The following SMYD3 variants were observed in gnomAD, a reference collection of about 807,000 sequenced individuals.
The protein encoded by SMYD3 is SET and MYND domain containing 3, also known as histone-lysine N-methyltransferase SMYD3.
In SMYD3, 36 loss-of-function variants were observed where a neutral mutation model predicts 57.7. The ratio of observed to expected loss-of-function variants is 0.62; its 90% CI spans 0.48 to 0.82. SMYD3 has a LOEUF of 0.82. Among genes scored for constraint, SMYD3 ranks in the 40% least tolerant of loss-of-function variants. The pLI, the probability that SMYD3 is intolerant of heterozygous loss-of-function variation, is 0.00. For synonymous variants in SMYD3, 211 were observed against 195.0 expected, an observed-to-expected ratio of 1.08 and a Z score of -0.68; for missense variants, 515 against 538.8, an observed-to-expected ratio of 0.96 and a Z score of 0.44.
chr1:246,480,362 T>C (rs910413305), intron 1 of SMYD3, among the ~76,000 whole-genome samples: 1 of 152,222 alleles, frequency 6.6e-6, no homozygotes, highest in African/African-American at 2.4e-5. Context: ...CTGTCACACG[T>C]ATTTAAAGTA....
intron 5 of SMYD3, among the ~76,000 whole-genome samples, chr1:246,158,852 AC>A (rs1004137855): frequency 2.0e-5 from 3 of 152,226 alleles, no homozygotes; most frequent in Admixed American, 2.0e-4. Flanking sequence ...CACCTGCTTT[AC>A]ATCAGCATAG....
chr1:246,373,149 C>A (rs890585195), intron 1 of SMYD3, among the ~76,000 whole-genome samples: 1 of 151,872 alleles, frequency 6.6e-6, no homozygotes, highest in African/African-American at 2.4e-5. Context: ...TGATTTTTTT[C>A]TTTAAATGAT....
chr1:245,939,896 C>T (rs4390144), intron 5 of SMYD3, among the ~76,000 whole-genome samples: 94,256 of 152,120 alleles, frequency 0.62, 34,940 homozygotes, highest in Non-Finnish European at 0.83. Flanking sequence ...TGTGGGAGGC[C>T]TTCATGTCAT....
At chr1:245,996,071 C>T (rs977302530) in intron 5 of SMYD3, among the ~76,000 whole-genome samples, 1 of 152,210 alleles carries the variant, frequency 6.6e-6, no homozygotes, top group Non-Finnish European at 1.5e-5. Context: ...CACCTAAAAT[C>T]CTCCTGGCAG....
At chr1:245,866,196 G>A (rs1420565526) in intron 8 of SMYD3, among the ~76,000 whole-genome samples, 1 of 152,170 alleles carries the variant, frequency 6.6e-6, no homozygotes, top group Non-Finnish European at 1.5e-5. Flanking sequence ...ACGAACCACA[G>A]AAAACAGATC....
chr1:246,395,786 AGACAGGGAAGAGGAACCCACCACGGCTG>A (rs1310393714), intron 1 of SMYD3, among the ~76,000 whole-genome samples: 12 of 146,760 alleles, frequency 8.2e-5, no homozygotes, highest in Non-Finnish European at 1.4e-4. Flanking sequence ...CACCATGGTC[AGACAGGGAAGAGGAACCCACCACGGCTG>A]GACAGGGAAG....
chr1:246,471,143 A>C (rs1392478249), intron 1 of SMYD3, among the ~76,000 whole-genome samples: 1 of 152,178 alleles, frequency 6.6e-6, no homozygotes, highest in Non-Finnish European at 1.5e-5. Context: ...AATTATTCCA[A>C]AATAAAGCTT....
chr1:246,131,345 G>A (rs1303366896), intron 5 of SMYD3, among the ~76,000 whole-genome samples: 1 of 152,138 alleles, frequency 6.6e-6, no homozygotes, highest in African/African-American at 2.4e-5. Flanking sequence ...CTAAATGAAA[G>A]AATGAATGAA....
chr1:245,919,463 A>G (rs1375834744), intron 7 of SMYD3, among the ~76,000 whole-genome samples: 1 of 152,192 alleles, frequency 6.6e-6, no homozygotes, highest in African/African-American at 2.4e-5. Context: ...GCTTGGCTCA[A>G]ATACACCTCT....
chr1:245,921,551 A>G (rs1271447878), intron 7 of SMYD3, among the ~76,000 whole-genome samples: 2 of 7,520 alleles, frequency 2.7e-4, no homozygotes, highest in African/African-American at 6.0e-4. Context: ...AATGTGGTGT[A>G]TATATATATA....
chr1:245,855,271 A>G (rs908268687), intron 10 of SMYD3, among the ~76,000 whole-genome samples: 1 of 151,980 alleles, frequency 6.6e-6, no homozygotes, highest in Non-Finnish European at 1.5e-5. Flanking sequence ...GACGCACAAA[A>G]ATTTTAAAAC....
chr1:245,864,892 T>G (rs1449062708), intron 8 of SMYD3, among the ~76,000 whole-genome samples: 1 of 152,136 alleles, frequency 6.6e-6, no homozygotes, highest in Non-Finnish European at 1.5e-5. Context: ...GTGACCCAAT[T>G]CTGACTTCCA....
At chr1:246,310,099 G>T (rs1310344239) in intron 5 of SMYD3, among the ~76,000 whole-genome samples, 2 of 152,098 alleles carry the variant, frequency 1.3e-5, no homozygotes, top group Non-Finnish European at 2.9e-5. Context: ...AAAAAAATTT[G>T]CTGTACAATA....
intron 1 of SMYD3, among the ~76,000 whole-genome samples, chr1:246,473,827 G>A (rs1355507364): frequency 1.3e-5 from 2 of 152,208 alleles, no homozygotes; most frequent in Admixed American, 6.5e-5. Context: ...GGGAAAGCCT[G>A]CAGGTGTACT....
At chr1:245,997,186 G>A (rs12094306) in intron 5 of SMYD3, among the ~76,000 whole-genome samples, 78,517 of 152,138 alleles carry the variant, frequency 0.52, 23,736 homozygotes, top group Middle Eastern at 0.69. Context: ...CAAATATGGG[G>A]AACCCCTTTA....
rs184004232 is a variant in SMYD3, at chr1:246,283,687, T to C, written c.531+43514A>G. 1.8e-4 allele frequency among the ~76,000 whole-genome samples: 27 copies of C among 152,314 alleles called. 1 individual carries two copies. The highest frequency in any genetic ancestry group is 4.8e-4 in the African/African-American group (20 of 41,566). ...TTCTGTGAGACCAGAAGAAATATAA[T>C]TGCCACAGCGATAACATCTAAAGCC... On this transcript the variant is annotated intron_variant, in intron 5 of 11. Transcript: ENST00000490107.
chr1:246,415,367 T>A (rs1242141701), intron 1 of SMYD3, among the ~76,000 whole-genome samples: 1 of 152,164 alleles, frequency 6.6e-6, no homozygotes. Context: ...TAATAATAGA[T>A]AAAATGTATA....
intron 1 of SMYD3, among the ~76,000 whole-genome samples, chr1:246,485,498 C>T (rs912620145): frequency 6.6e-6 from 1 of 152,168 alleles, no homozygotes; most frequent in Admixed American, 6.5e-5. Flanking sequence ...TAATAAAGAT[C>T]TAGCCAGATG....
intron 10 of SMYD3, among the ~76,000 whole-genome samples, chr1:245,817,262 G>T (rs1285740693): frequency 1.7e-4 from 24 of 144,290 alleles, no homozygotes; most frequent in Non-Finnish European, 2.9e-4. Context: ...CAGCCTAACT[G>T]GGAGGCACCC....
Sources: allele counts gnomAD v4.1 joint callset (sites outside exome capture counted in the v4.1 genomes callset), GRCh38; gene constraint gnomAD v4.1.1; transcripts MANE v1.5; gene names NCBI Gene and HGNC (gene_info 2026-07-23, HGNC 2026-07-21).